Variants in ATP13A3 observed in about 807,000 individuals in gnomAD.
ATP13A3 encodes the protein ATPase 13A3.
Under a neutral mutation model 158.1 loss-of-function variants are expected in ATP13A3, and 59 were observed. The ratio of observed to expected loss-of-function variants is 0.37; its 90% confidence interval spans 0.30 to 0.46. The LOEUF is 0.46. ATP13A3 is among the 20% of genes least tolerant of loss of function. ATP13A3 has a pLI of 1.00. For synonymous variants in ATP13A3, 491 were observed against 504.3 expected (o/e 0.97, Z 0.35); for missense variants, 1,166 against 1,525.2 (o/e 0.76, Z 3.92).
At position 194,468,066 on chromosome 3, in the gene ATP13A3, T is replaced by C. The variant is rs201073391; in HGVS notation, c.-46-5830A>G. On this transcript the variant is annotated intron_variant, in intron 2 of 33. Transcript: ENST00000645319. Reference sequence around the variant, plus strand: ...TTAATAATAAAAATAAAACTAAGCATAAAAATTTGGAATTTTATGCCAAAT... The same window carrying C: ...TTAATAATAAAAATAAAACTAAGCACAAAAATTTGGAATTTTATGCCAAAT... 4.3e-5 allele frequency: 6 copies of C among 138,488 alleles called. No individual in the cohort carries two copies. In the East Asian group the frequency reaches 1.2e-3, roughly 27 times the overall value. 8.6% of individuals were successfully genotyped at this position (138,488 alleles called of 1,614,324 possible).
intron 33 of ATP13A3, 80 bp from the exon 34 acceptor site, chr3:194,406,196 C>A: frequency 7.3e-7 from 1 of 1,373,248 alleles, no homozygotes; most frequent in Non-Finnish European, 1.0e-6. Context: ...TGTTAAAGCA[C>A]ACATTAGCAG....
At chr3:194,451,346 T>C (rs898924672) in intron 10 of ATP13A3, 5 of 152,132 alleles carry the variant, frequency 3.3e-5, no homozygotes, top group African/African-American at 1.2e-4. Context: ...AAGTAAAAAT[T>C]TGACTTTTCT....
At chr3:194,457,406 T>C (rs1719307518) in intron 6 of ATP13A3, among the ~76,000 whole-genome samples, 2 of 152,230 alleles carry the variant, frequency 1.3e-5, no homozygotes, top group Non-Finnish European at 1.5e-5. Context: ...AATATGTTTA[T>C]TGCAGGATAG....
chr3:194,471,324 T>TAAAAAAA (rs59967046), intron 2 of ATP13A3, among the ~76,000 whole-genome samples: 22 of 88,070 alleles, frequency 2.5e-4, no homozygotes, highest in African/African-American at 6.8e-4. Context: ...CAGCAAATTC[T>TAAAAAAA]AAAAAAAAAA....
chr3:194,493,019 G>C (rs1315428175), intron 2 of ATP13A3, among the ~76,000 whole-genome samples: 1 of 151,938 alleles, frequency 6.6e-6, no homozygotes, highest in Non-Finnish European at 1.5e-5. Flanking sequence ...CAGCTACTTG[G>C]GAGGCTGAGG....
Position 194,478,566 on chromosome 3 carries a change from G to A in ATP13A3, c.-47+7228C>T, listed in dbSNP as rs368583746. On this transcript the variant is annotated intron_variant, in intron 2 of 33. Coordinates refer to ENST00000645319, the MANE Select transcript of ATP13A3 (RefSeq NM_001367549.1). ...GAAAACAAGTTATTTAAACTGACTG[G>A]TGCACGGGGTGATAGCCTTTGAGGA... 1.1e-4 allele frequency among the ~76,000 whole-genome samples: 17 copies of A among 152,288 alleles called. No individual in the cohort carries two copies. In the East Asian group the frequency reaches 2.1e-3, roughly 19 times the overall value.
At chr3:194,487,126 C>A (rs961898837), upstream of ATP13A3, 3 of 152,116 alleles carry the variant, frequency 2.0e-5, no homozygotes, top group African/African-American at 7.2e-5. Context: ...CCCCGCCCAC[C>A]CATCGCCTTT....
chr3:194,477,591 A>G (rs1292349569), intron 2 of ATP13A3, among the ~76,000 whole-genome samples: 1 of 152,198 alleles, frequency 6.6e-6, no homozygotes, highest in East Asian at 1.9e-4. Context: ...CCTCTTAATC[A>G]GGATCCTTCT....
intron 20 of ATP13A3, among the ~76,000 whole-genome samples, chr3:194,434,240 C>CT (rs1353832062): frequency 6.6e-6 from 1 of 152,202 alleles, no homozygotes; most frequent in African/African-American, 2.4e-5. Context: ...AAAGAAAAAA[C>CT]TGTGCCACAA....
Position 194,459,970 on chromosome 3 carries a change from T to A in ATP13A3, c.227A>T (p.Asp76Val). The A allele has an allele frequency of 6.2e-7, 1 of 1,610,120 alleles. No individual in the cohort carries two copies. Among genetic ancestry groups the A allele is most frequent in the East Asian group, 2.2e-5 (1 of 44,760 alleles). Reference protein sequence around the residue: ...DCEVVLLRTTDEFKMWFCAKI... With the variant: ...DCEVVLLRTTVEFKMWFCAKI... Reference sequence around the variant, plus strand: ...TGCACAAAACCACATTTTGAATTCATCCTTAAAGAGAGAAAGGGATAACGG... The same window carrying A: ...TGCACAAAACCACATTTTGAATTCAACCTTAAAGAGAGAAAGGGATAACGG... The change falls in exon 5 of 34, where the codon GAT becomes GTT. Residue 76 changes from aspartate to valine, a missense_variant and splice_region_variant. By Grantham distance (152) the Asp-to-Val change is radical. Coordinates refer to ENST00000645319, the MANE Select transcript of ATP13A3 (RefSeq NM_001367549.1).
At chr3:194,461,203 T>C (rs1206308558) in intron 3 of ATP13A3, among the ~76,000 whole-genome samples, 2 of 152,178 alleles carry the variant, frequency 1.3e-5, no homozygotes, top group Non-Finnish European at 2.9e-5. Context: ...TTTTTTTAAA[T>C]AAACATTTTA....
At chr3:194,492,300 T>C (rs530131593) in intron 2 of ATP13A3, among the ~76,000 whole-genome samples, 9 of 152,186 alleles carry the variant, frequency 5.9e-5, no homozygotes, top group Admixed American at 2.0e-4. Context: ...GACTAACTTA[T>C]AAGTTCAACT....
intron 33 of ATP13A3, among the ~76,000 whole-genome samples, chr3:194,411,931 T>C (rs902594275): frequency 3.3e-5 from 5 of 152,100 alleles, no homozygotes; most frequent in Non-Finnish European, 7.4e-5. Flanking sequence ...TTTACACAAA[T>C]AGAAGATCAG....
At chr3:194,465,764 G>C (rs1719949883) in intron 2 of ATP13A3, among the ~76,000 whole-genome samples, 1 of 151,926 alleles carries the variant, frequency 6.6e-6, no homozygotes, top group South Asian at 2.1e-4. Context: ...AAAAGTTCAA[G>C]ACCAGCCTGG....
At chr3:194,437,822 T>C (rs190740153) in intron 17 of ATP13A3, among the ~76,000 whole-genome samples, 1 of 152,166 alleles carries the variant, frequency 6.6e-6, no homozygotes, top group Admixed American at 6.5e-5. Context: ...AACTAAGGGG[T>C]GCAAGCAAGT....
chr3:194,445,216 TA>T (rs1162318503), intron 14 of ATP13A3, among the ~76,000 whole-genome samples: 4 of 152,088 alleles, frequency 2.6e-5, no homozygotes, highest in Non-Finnish European at 5.9e-5. Flanking sequence ...ATCCACAAGG[TA>T]AATGACCTGG....
At chr3:194,426,790 T>C (rs1035974501) in intron 29 of ATP13A3, among the ~76,000 whole-genome samples, 4 of 152,198 alleles carry the variant, frequency 2.6e-5, no homozygotes, top group African/African-American at 4.8e-5. Flanking sequence ...GCCTCCCAAG[T>C]TGCTGGGATT....
intron 13 of ATP13A3, 71 bp from the exon 14 acceptor site, chr3:194,447,186 G>A: frequency 3.8e-6 from 5 of 1,301,482 alleles, no homozygotes; most frequent in South Asian, 2.7e-5. Context: ...TATTTCTTTA[G>A]TGAAAATCTG....
At chr3:194,452,291 G>C (rs1392859070) in intron 10 of ATP13A3, 1 of 152,196 alleles carries the variant, frequency 6.6e-6, no homozygotes, top group Non-Finnish European at 1.5e-5. Context: ...CAGAGTTAGA[G>C]ACCAGCCTGG....
Sources: gnomAD v4.1 joint callset for allele counts (sites outside exome capture counted in the v4.1 genomes callset) on GRCh38, gnomAD v4.1.1 for gene constraint, MANE v1.5 for transcripts, NCBI Gene and HGNC (gene_info 2026-07-23, HGNC 2026-07-21) for gene names.